Variants in OTOGL observed in about 807,000 individuals in gnomAD.
OTOGL encodes the protein otogelin-like protein.
OTOGL carries 285 observed loss-of-function variants against 318.5 expected under a neutral mutation model. That is an observed-to-expected ratio of 0.89 (90% CI 0.81 to 0.99). The LOEUF (loss-of-function observed/expected upper bound fraction) is 0.99. OTOGL is among the 50% of genes least tolerant of loss of function. The pLI, the probability that OTOGL is intolerant of heterozygous loss-of-function variation, is 0.00. For synonymous variants in OTOGL, 987 were observed against 936.5 expected, an observed-to-expected ratio of 1.05 and a Z score of -0.99; for missense variants, 2,899 against 2,845.6, an observed-to-expected ratio of 1.02 and a Z score of -0.43.
rs79383579 is a variant in OTOGL at position 80,317,767 on chromosome 12, C to T, written c.3635-779C>T. On this transcript the variant is annotated intron_variant, in intron 32 of 58. Coordinates refer to ENST00000547103, the MANE Select transcript of OTOGL (RefSeq NM_001378609.3). ...TCTTTGGTCCTCCTGTATTTTGGCT[C>T]ATGGAGAAACACTGCATTTGTAACA... Among the ~76,000 whole-genome samples, 1,093 of 152,230 alleles carry T rather than the reference C, an allele frequency of 7.2e-3. 14 individuals are homozygous for T. Among genetic ancestry groups the T allele is most frequent in the East Asian group, 0.056 (289 of 5,180 alleles).
chr12:80,343,032 C>T (rs1033561233), intron 44 of OTOGL, among the ~76,000 whole-genome samples: 1 of 152,092 alleles, frequency 6.6e-6, no homozygotes, highest in East Asian at 1.9e-4. Flanking sequence ...CAGGTGCCGG[C>T]GACCACGCCC....
chr12:80,328,130 A>G (rs1887817045), intron 35 of OTOGL, among the ~76,000 whole-genome samples: 1 of 151,878 alleles, frequency 6.6e-6, no homozygotes, highest in Non-Finnish European at 1.5e-5. Flanking sequence ...CAGCCTGGGC[A>G]ACATGACGAA....
intron 17 of OTOGL, among the ~76,000 whole-genome samples, chr12:80,257,535 C>A (rs553726138): frequency 2.6e-5 from 4 of 152,182 alleles, no homozygotes; most frequent in South Asian, 4.1e-4. Context: ...TGTCTAAGGA[C>A]TTCCTCCTTC....
Position 80,222,094 on chromosome 12 carries a change from C to G in OTOGL, c.338C>G (p.Pro113Arg), listed in dbSNP as rs756681657. The G allele has an allele frequency of 6.3e-7, 1 of 1,596,894 alleles. No homozygotes were observed. Among genetic ancestry groups the G allele is most frequent in the Admixed American group, 1.7e-5 (1 of 59,662 alleles). The part of the protein sequence containing the change: ...QALGTRCQII[P>R]NMGNGRDGIC... ...ATATTATCCTGTTTCTTTTCAGTCC[C>G]AAACATGGGCAACGGCAGAGATGGG... The change falls in exon 7 of 59, where the codon CCA (proline) becomes CGA (arginine). Residue 113 changes from proline to arginine, a missense_variant. Transcript: ENST00000547103.
chr12:80,256,216 T>C (rs1308424937), intron 16 of OTOGL, 121 bp from the exon 17 acceptor site: 1 of 1,194,444 alleles, frequency 8.4e-7, no homozygotes, highest in Admixed American at 2.9e-5. Context: ...ACTCTCTTTC[T>C]TTTTTGTTCT....
At chr12:80,161,169 A>G (rs549578435) in intron 1 of OTOGL, among the ~76,000 whole-genome samples, 1 of 152,154 alleles carries the variant, frequency 6.6e-6, no homozygotes, top group African/African-American at 2.4e-5. Context: ...GAATCTCACA[A>G]ATTACCACTA....
At chr12:80,224,078 T>A (rs555454038) in intron 7 of OTOGL, among the ~76,000 whole-genome samples, 2 of 152,316 alleles carry the variant, frequency 1.3e-5, no homozygotes, top group African/African-American at 4.8e-5. Flanking sequence ...ATTTAAGTAT[T>A]TTATCCATCT....
At chr12:80,311,773 CT>C (rs1327137862) in intron 30 of OTOGL, among the ~76,000 whole-genome samples, 1 of 152,108 alleles carries the variant, frequency 6.6e-6, no homozygotes, top group East Asian at 1.9e-4. Context: ...TGTCTGTTGT[CT>C]TTGATAAAAT....
intron 1 of OTOGL, among the ~76,000 whole-genome samples, chr12:80,133,926 C>A (rs952172780): frequency 6.6e-6 from 1 of 151,934 alleles, no homozygotes; most frequent in Non-Finnish European, 1.5e-5. Flanking sequence ...CATAGTGAGA[C>A]TCTGTCTCAA....
chr12:80,363,496 C>A (rs1448623907), intron 52 of OTOGL, among the ~76,000 whole-genome samples: 1 of 151,938 alleles, frequency 6.6e-6, no homozygotes, highest in Non-Finnish European at 1.5e-5. Flanking sequence ...GAAAGACTGG[C>A]CTTTTGTAAC....
intron 1 of OTOGL, among the ~76,000 whole-genome samples, chr12:80,180,827 G>A (rs562201729): frequency 7.0e-4 from 107 of 152,246 alleles, no homozygotes; most frequent in African/African-American, 2.4e-3. Context: ...GCTTGTATAA[G>A]GTTATGTATG....
intron 3 of OTOGL, 46 bp from the exon 4 acceptor site, chr12:80,211,903 T>C: frequency 1.4e-6 from 2 of 1,460,032 alleles, no homozygotes; most frequent in Non-Finnish European, 1.9e-6. Context: ...TTGTTCAGGT[T>C]GCCTAGGGGC....
intron 27 of OTOGL, among the ~76,000 whole-genome samples, chr12:80,300,704 C>A (rs1431683069): frequency 1.3e-5 from 2 of 152,100 alleles, no homozygotes; most frequent in Non-Finnish European, 1.5e-5. Flanking sequence ...CAGGGAAGGC[C>A]TCACAGAGGA....
At chr12:80,165,345 C>G (rs1043643831) in intron 1 of OTOGL, among the ~76,000 whole-genome samples, 1 of 152,118 alleles carries the variant, frequency 6.6e-6, no homozygotes, top group African/African-American at 2.4e-5. Flanking sequence ...ATTCATTAAG[C>G]ATTTATCATG....
intron 38 of OTOGL, 138 bp downstream of exon 38, chr12:80,333,216 T>C (rs1888189353): frequency 1.4e-6 from 1 of 695,704 alleles, no homozygotes; most frequent in Non-Finnish European, 2.4e-6. Context: ...TATTAAGAAA[T>C]ATGCATTTCA....
At chr12:80,281,743 A>C (rs1371463360) in intron 26 of OTOGL, among the ~76,000 whole-genome samples, 1 of 151,768 alleles carries the variant, frequency 6.6e-6, no homozygotes, top group Non-Finnish European at 1.5e-5. Context: ...CTAGTTCTTA[A>C]ACATTCTGTG....
At chr12:80,232,036 C>G (rs1181857010) in intron 8 of OTOGL, among the ~76,000 whole-genome samples, 5 of 152,070 alleles carry the variant, frequency 3.3e-5, no homozygotes, top group Non-Finnish European at 5.9e-5. Context: ...TAATTGTGTT[C>G]TTTCAAAAGT....
chr12:80,201,369 G>T (rs902212048), intron 1 of OTOGL, among the ~76,000 whole-genome samples: 1 of 152,266 alleles, frequency 6.6e-6, no homozygotes, highest in South Asian at 2.1e-4. Context: ...ATGGTGGAAG[G>T]TGTAGGGGGA....
Position 80,379,298 on chromosome 12 carries a change from T to C in OTOGL, c.*1250T>C, listed in dbSNP as rs1272380408. The stretch of plus-strand genomic sequence containing the variant: ...TCAACAAAAGAACAGTAAAGTCTCA[T>C]TGCAAAGCAGATACTGGGCCTCAAG... On this transcript the variant is annotated 3_prime_UTR_variant, in exon 59 of 59. Transcript: ENST00000547103. 1.3e-5 allele frequency: 2 copies of C among 151,996 alleles called. No homozygotes were observed. The highest frequency in any genetic ancestry group is 2.9e-5 in the Non-Finnish European group (2 of 67,896). 9.4% of individuals were successfully genotyped at this position (151,996 alleles called of 1,614,324 possible). A position where few individuals can be genotyped will look rare whatever the true frequency, so the allele number is the denominator to read the frequency against.
Sources: gnomAD v4.1 joint callset for allele counts (sites outside exome capture counted in the v4.1 genomes callset) on GRCh38, gnomAD v4.1.1 for gene constraint, MANE v1.5 for transcripts, NCBI Gene and HGNC (gene_info 2026-07-23, HGNC 2026-07-21) for gene names.